Variants in FOXK1 observed in about 807,000 individuals in gnomAD.
The protein encoded by FOXK1 is forkhead box K1, also known as forkhead box protein K1.
Under a neutral mutation model 51.9 loss-of-function variants are expected in FOXK1, and 19 were observed. The observed-to-expected ratio is 0.37, with a 90% CI of 0.26 to 0.54. FOXK1 has a LOEUF of 0.54. Among genes scored for constraint, FOXK1 ranks in the 20% least tolerant of loss-of-function variants. The pLI, the probability that FOXK1 is intolerant of heterozygous loss-of-function variation, is 0.87. For missense variants in FOXK1, 870 were observed against 1,032.7 expected (o/e 0.84, Z 2.16); for synonymous variants, 537 against 482.6 (o/e 1.11, Z -1.48).
At chr7:4,708,211 C>G (rs1366792617) in intron 1 of FOXK1, among the ~76,000 whole-genome samples, 1 of 152,148 alleles carries the variant, frequency 6.6e-6, no homozygotes, top group Non-Finnish European at 1.5e-5. Context: ...GGTGCTGATG[C>G]TGTGTGGCTT....
chr7:4,766,842 C>T lies in FOXK1; in HGVS notation c.*4378C>T, dbSNP rs538604861. The stretch of plus-strand genomic sequence containing the variant: ...GCACCCCCGGGGAGCTGGGACTCTC[C>T]AGAAAGCCCCGGGTGAGGGCTCCGT... On this transcript the variant is annotated 3_prime_UTR_variant, in exon 9 of 9. Coordinates refer to ENST00000328914, the MANE Select transcript of FOXK1 (RefSeq NM_001037165.2). The surrounding 1 kb of genome is among the most constrained non-coding windows in gnomAD (Gnocchi z 5.5). 1 of 152,346 alleles carries T rather than the reference C, an allele frequency of 6.6e-6. No individual in the cohort carries two copies. The highest frequency in any genetic ancestry group is 2.4e-5 in the African/African-American group (1 of 41,572). The allele number at this position is 152,346 out of a possible 1,614,324, so 9.4% of individuals were successfully genotyped here.
rs142924048 is a variant in FOXK1, at chr7:4,745,318, G to A, written c.746+4295G>A. On this transcript the variant is annotated intron_variant, in intron 2 of 8. Transcript: ENST00000328914. This position sits in a 1 kb window ranked among gnomAD's most constrained non-coding sequence, Gnocchi z 4.3. ...AGGGCCCCTCATTCCCAGGAGTCGG[G>A]AGTGGCTTGGGAGCGGCTTTTTCCT... Among the ~76,000 whole-genome samples the A allele has an allele frequency of 1.9e-3, 291 of 152,296 alleles. No individual in the cohort carries two copies. The highest frequency in any genetic ancestry group is 6.6e-3 in the African/African-American group (273 of 41,568).
intron 1 of FOXK1, among the ~76,000 whole-genome samples, chr7:4,724,024 C>T (rs970138621): frequency 6.6e-6 from 1 of 152,046 alleles, no homozygotes; most frequent in Admixed American, 6.6e-5. Context: ...CCTACTTTTT[C>T]GAGGGCTTTT....
chr7:4,702,501 C>G (rs1314911292), intron 1 of FOXK1, among the ~76,000 whole-genome samples: 14 of 152,170 alleles, frequency 9.2e-5, no homozygotes, highest in Admixed American at 7.2e-4. Context: ...CGCCACCATG[C>G]CTGGCTAATT....
chr7:4,705,653 C>T (rs926336731), intron 1 of FOXK1, among the ~76,000 whole-genome samples: 2 of 151,700 alleles, frequency 1.3e-5, no homozygotes, highest in African/African-American at 2.4e-5. Flanking sequence ...TCTCCTGCCT[C>T]AGCCTCCCAA....
chr7:4,700,912 C>T (rs979210951), intron 1 of FOXK1, among the ~76,000 whole-genome samples: 1 of 152,200 alleles, frequency 6.6e-6, no homozygotes, highest in African/African-American at 2.4e-5. Context: ...CTGCCATCAT[C>T]GCTGCTGTTA....
intron 1 of FOXK1, among the ~76,000 whole-genome samples, chr7:4,688,479 C>T (rs1292991005): frequency 1.3e-5 from 2 of 151,978 alleles, no homozygotes; most frequent in Non-Finnish European, 2.9e-5. Flanking sequence ...TGGCTCACTG[C>T]AACCTCCCAG....
At chr7:4,754,750 C>G in intron 3 of FOXK1, 135 bp downstream of exon 3, 1 of 1,123,926 alleles carries the variant, frequency 8.9e-7, no homozygotes. Flanking sequence ...GGAATGGAGC[C>G]GCAGCTGGCG....
chr7:4,748,466 G>A lies in FOXK1; in HGVS notation c.747-5993G>A, dbSNP rs139421025. On this transcript the variant is annotated intron_variant, in intron 2 of 8. Transcript: ENST00000328914. The surrounding 1 kb of genome is among the most constrained non-coding windows in gnomAD (Gnocchi z 4.9). The stretch of plus-strand genomic sequence containing the variant: ...TTCCTTGTACTTTTGGCTTATTTCC[G>A]CCACACTCCCCCCGCTCTTGGGGTT... 9.1e-4 allele frequency among the ~76,000 whole-genome samples: 138 copies of A among 152,092 alleles called. No individual in the cohort carries two copies. Among genetic ancestry groups the A allele is most frequent in the East Asian group, 4.1e-3 (21 of 5,176 alleles).
At position 4,682,875 on chromosome 7, in the gene FOXK1, G is replaced by A; in HGVS notation, c.560+7G>A. ...CCCTGCAGCTGCCCAAGCAGTGAGT[G>A]GCCCCGCGACCCCCGCCGCCCGCAC... On this transcript the variant is annotated splice_region_variant and intron_variant, in intron 1 of 8. Coordinates refer to ENST00000328914, the MANE Select transcript of FOXK1 (RefSeq NM_001037165.2). This position sits in a 1 kb window ranked among gnomAD's most constrained non-coding sequence, Gnocchi z 7.6. The A allele has an allele frequency of 6.8e-7, 1 of 1,472,272 alleles. No homozygotes were observed. Among genetic ancestry groups the A allele is most frequent in the Non-Finnish European group, 9.0e-7 (1 of 1,111,030 alleles). 91.2% of individuals were successfully genotyped at this position (1,472,272 alleles called of 1,614,324 possible).
Position 4,740,820 on chromosome 7 carries a change from C to T in FOXK1, c.561-18C>T. On this transcript the variant is annotated intron_variant, in intron 1 of 8. Coordinates refer to ENST00000328914, the MANE Select transcript of FOXK1 (RefSeq NM_001037165.2). ...AGTCTCCTCCTGCACCTCACACCCGCTCCTCCTCCTGTTGCAGGTGTACCT... is the reference window on the plus strand; with the variant it reads ...AGTCTCCTCCTGCACCTCACACCCGTTCCTCCTCCTGTTGCAGGTGTACCT... The T allele has an allele frequency of 6.3e-7, 1 of 1,581,456 alleles. No homozygotes were observed. Among genetic ancestry groups the T allele is most frequent in the Non-Finnish European group, 8.6e-7 (1 of 1,169,458 alleles).
rs531912339 is a variant in FOXK1, at chr7:4,709,872, C to T, written c.560+27004C>T. On this transcript the variant is annotated intron_variant, in intron 1 of 8. Coordinates refer to ENST00000328914, the MANE Select transcript of FOXK1 (RefSeq NM_001037165.2). The surrounding 1 kb of genome is among the most constrained non-coding windows in gnomAD (Gnocchi z 5.6). Reference sequence around the variant, plus strand: ...CCACCTCCAAGGAGGGAGAGAGGATCGAATGAGTTCACTTAGAACAACGCG... The same window carrying T: ...CCACCTCCAAGGAGGGAGAGAGGATTGAATGAGTTCACTTAGAACAACGCG... Among the ~76,000 whole-genome samples the T allele has an allele frequency of 1.6e-4, 24 of 152,266 alleles. No homozygotes were observed. Among genetic ancestry groups the T allele is most frequent in the African/African-American group, 5.1e-4 (21 of 41,534 alleles).
chr7:4,692,168 G>T (rs1264674040), intron 1 of FOXK1, among the ~76,000 whole-genome samples: 4 of 151,976 alleles, frequency 2.6e-5, no homozygotes, highest in Non-Finnish European at 5.9e-5. Context: ...AAAAGAATAA[G>T]AGTTTTTTTG....
At chr7:4,726,649 T>G (rs1396665268) in intron 1 of FOXK1, among the ~76,000 whole-genome samples, 2 of 150,638 alleles carry the variant, frequency 1.3e-5, no homozygotes, top group Non-Finnish European at 2.9e-5. Flanking sequence ...GCCTGGGCCT[T>G]GGAGGTGCCT....
chr7:4,719,543 G>C (rs560400668), intron 1 of FOXK1, among the ~76,000 whole-genome samples: 1 of 151,918 alleles, frequency 6.6e-6, no homozygotes. Flanking sequence ...GTGCAGTGGC[G>C]AGACCTTGGC....
intron 3 of FOXK1, chr7:4,754,905 C>T (rs910994198): frequency 6.9e-6 from 4 of 578,608 alleles, no homozygotes; most frequent in Non-Finnish European, 9.2e-6. Context: ...TCAAAGCCTT[C>T]ATACAGCCCT....
rs1781096634 is a variant in FOXK1 at position 4,771,132 on chromosome 7, C to G, written c.*8668C>G. 1.3e-5 allele frequency: 2 copies of G among 152,514 alleles called. No individual in the cohort carries two copies. The highest frequency in any genetic ancestry group is 3.9e-4 in the East Asian group (2 of 5,178). The allele number at this position is 152,514 out of a possible 1,614,324, so 9.4% of individuals were successfully genotyped here. A position where few individuals can be genotyped will look rare whatever the true frequency, so the allele number is the denominator to read the frequency against. The stretch of plus-strand genomic sequence containing the variant: ...CACCGGGAGGGGGCACGCACGACAC[C>G]AGAGGAAGGGACAGCCCCACCCATG... On this transcript the variant is annotated 3_prime_UTR_variant, in exon 9 of 9. Coordinates refer to ENST00000328914, the MANE Select transcript of FOXK1 (RefSeq NM_001037165.2).
Position 4,730,499 on chromosome 7 carries a change from C to G in FOXK1, c.561-10339C>G, listed in dbSNP as rs929061532. On this transcript the variant is annotated intron_variant, in intron 1 of 8. Coordinates refer to ENST00000328914, the MANE Select transcript of FOXK1 (RefSeq NM_001037165.2). This position sits in a 1 kb window ranked among gnomAD's most constrained non-coding sequence, Gnocchi z 4.7. ...GTGGAGAGGGCGTGGTTTGCAGGCACCAGTGCTGGTTCCGTGTCTGTCGGG... is the reference window on the plus strand; with the variant it reads ...GTGGAGAGGGCGTGGTTTGCAGGCAGCAGTGCTGGTTCCGTGTCTGTCGGG... 1.3e-5 allele frequency among the ~76,000 whole-genome samples: 2 copies of G among 152,212 alleles called. No individual in the cohort carries two copies. The highest frequency in any genetic ancestry group is 4.8e-5 in the African/African-American group (2 of 41,452).
intron 1 of FOXK1, among the ~76,000 whole-genome samples, chr7:4,691,435 G>T (rs1426437759): frequency 6.6e-6 from 1 of 152,086 alleles, no homozygotes; most frequent in Admixed American, 6.5e-5. Flanking sequence ...CCTGGGTTCA[G>T]GCGATTCTCC....
Sources: allele counts gnomAD v4.1 joint callset (sites outside exome capture counted in the v4.1 genomes callset), GRCh38; gene constraint gnomAD v4.1.1; non-coding constraint Gnocchi (gnomAD v3.1); transcripts MANE v1.5; gene names NCBI Gene and HGNC (gene_info 2026-07-23, HGNC 2026-07-21).